The following PSMD8 variants were observed in gnomAD, a reference collection of about 807,000 sequenced individuals.
PSMD8 encodes proteasome 26S subunit, non-ATPase 8.
In PSMD8, 30 loss-of-function variants were observed where a neutral mutation model predicts 40.0. The ratio of observed to expected loss-of-function variants is 0.75; its 90% confidence interval spans 0.56 to 1.02. The LOEUF is 1.02. Among genes scored for constraint, PSMD8 ranks in the 50% least tolerant of loss-of-function variants. PSMD8 has a pLI of 0.00. For synonymous variants in PSMD8, 208 were observed against 192.5 expected (o/e 1.08, Z -0.67); for missense variants, 461 against 463.9 (o/e 0.99, Z 0.06).
At position 38,376,148 on chromosome 19, in the gene PSMD8, C is replaced by A; in HGVS notation, c.361-12C>A. 6.3e-7 allele frequency: 1 copy of A among 1,592,744 alleles called. No individual in the cohort carries two copies. The highest frequency in any genetic ancestry group is 1.1e-5 in the South Asian group (1 of 88,952). Reference sequence around the variant, plus strand: ...CTTCTTTTCTTTCTTCCCTCCCTCCCCTCCCCATCAGCTAGTTCTTCTGGA... The same window carrying A: ...CTTCTTTTCTTTCTTCCCTCCCTCCACTCCCCATCAGCTAGTTCTTCTGGA... On this transcript the variant is annotated splice_polypyrimidine_tract_variant and intron_variant, in intron 1 of 6. Transcript: ENST00000215071.
At chr19:38,377,489 G>A (rs755556870) in intron 3 of PSMD8, among the ~76,000 whole-genome samples, 1 of 150,928 alleles carries the variant, frequency 6.6e-6, no homozygotes, top group Non-Finnish European at 1.5e-5. Context: ...CATTGCATCT[G>A]ACTCCAATAA....
rs377149465 is a variant in PSMD8 at position 38,383,438 on chromosome 19, T to A, written c.*48T>A. The A allele has an allele frequency of 2.9e-5, 46 of 1,610,446 alleles. 1 individual carries two copies. In the South Asian group the frequency reaches 5.0e-4, roughly 17 times the overall value. ...CAGGGCACGAGTTATTTAAAACAGT[T>A]ACACTGCAGGGTTTCGCCCAATAAA... On this transcript the variant is annotated 3_prime_UTR_variant, in exon 7 of 7. Coordinates refer to ENST00000215071, the MANE Select transcript of PSMD8 (RefSeq NM_002812.5).
At position 38,382,118 on chromosome 19, in the gene PSMD8, G is replaced by A; in HGVS notation, c.805G>A (p.Asp269Asn). The A allele has an allele frequency of 1.3e-6, 2 of 1,564,354 alleles. No individual in the cohort carries two copies. Among genetic ancestry groups the A allele is most frequent in the Non-Finnish European group, 1.7e-6 (2 of 1,154,696 alleles). ...FIDILLDTIR[D>N]EIAGCIEKAY... ...GAGGAGCTTCTCATCTTCCCCCAGG[G>A]ATGAGATCGCTGGGTGCATCGAGAA... The change falls in exon 6 of 7, where the codon GAT becomes AAT. Residue 269 changes from aspartate to asparagine, a missense_variant and splice_region_variant. Asp to Asn is a conservative substitution (Grantham distance 23). Coordinates refer to ENST00000215071, the MANE Select transcript of PSMD8 (RefSeq NM_002812.5).
Position 38,374,821 on chromosome 19 carries a change from G to A in PSMD8, c.220G>A (p.Gly74Ser). ...GGCCGCGGCGGTGAACGGGGCGGCA[G>A]GCTTCTCGAGCTCCGGGCCCGCGGC... ...MAAAAVNGAA[G>S]FSSSGPAATS... The change falls in exon 1 of 7, where the codon GGC becomes AGC. Residue 74 changes from glycine (G) to serine (S), a missense_variant. Gly to Ser is a moderately conservative substitution (Grantham distance 56, BLOSUM62 0). This residue lies in a region of PSMD8 where 225 missense variants were observed against 142.7 expected (regional missense o/e 1.58). Coordinates refer to ENST00000215071, the MANE Select transcript of PSMD8 (RefSeq NM_002812.5). 1.3e-6 allele frequency: 2 copies of A among 1,574,462 alleles called. No homozygotes were observed. The highest frequency in any genetic ancestry group is 1.3e-5 in the African/African-American group (1 of 74,464).
At chr19:38,378,682 A>C (rs1362489943) in intron 3 of PSMD8, among the ~76,000 whole-genome samples, 2 of 148,784 alleles carry the variant, frequency 1.3e-5, no homozygotes, top group Non-Finnish European at 3.0e-5. Context: ...GGCTGGGCGC[A>C]GTGGCTCATA....
chr19:38,374,746 C>A lies in PSMD8; in HGVS notation c.145C>A (p.Arg49=), dbSNP rs767639175. Residue 49 remains arginine, a synonymous_variant, in exon 1 of 7, where the codon CGG becomes AGG. Transcript: ENST00000215071. ...PHFRRASVCR[R]RCRKSGGLLA... is the part of the protein sequence containing the mutation. Reference sequence around the variant, plus strand: ...CTTCCGCCGGGCAAGCGTTTGTAGGCGGCGCTGCCGTAAATCAGGCGGTCT... The same window carrying A: ...CTTCCGCCGGGCAAGCGTTTGTAGGAGGCGCTGCCGTAAATCAGGCGGTCT... 8.3e-5 allele frequency: 129 copies of A among 1,554,842 alleles called. No individual in the cohort carries two copies. Among genetic ancestry groups the A allele is most frequent in the Admixed American group, 3.2e-4 (17 of 52,608 alleles).
chr19:38,377,485 A>C (rs895603339), intron 3 of PSMD8, among the ~76,000 whole-genome samples: 1 of 148,238 alleles, frequency 6.7e-6, no homozygotes, highest in African/African-American at 2.5e-5. Context: ...GAGTCATTGC[A>C]TCTGACTCCA....
At chr19:38,381,890 C>CCAGGAGTCAGAGATTT (rs1970643419) in intron 5 of PSMD8, among the ~76,000 whole-genome samples, 1 of 151,980 alleles carries the variant, frequency 6.6e-6, no homozygotes, top group African/African-American at 2.4e-5. Context: ...GAGTGTGGGC[C>CCAGGAGTCAGAGATTT]CAGGAGTCAG....
rs1056236848 is a variant in PSMD8 at position 38,374,823 on chromosome 19, C to G, written c.222C>G (p.Gly74=). The change falls in exon 1 of 7, where the codon GGC becomes GGG. Residue 74 remains glycine, a synonymous_variant. Transcript: ENST00000215071. ...CCGCGGCGGTGAACGGGGCGGCAGG[C>G]TTCTCGAGCTCCGGGCCCGCGGCAA... ...MAAAAVNGAA[G]FSSSGPAATS... The G allele has an allele frequency of 5.1e-6, 8 of 1,574,504 alleles. No individual in the cohort carries two copies. The South Asian group carries it at 9.1e-5, about 18-fold the overall frequency.
intron 3 of PSMD8, among the ~76,000 whole-genome samples, chr19:38,378,368 TGTG>T (rs1243286484): frequency 6.6e-6 from 1 of 151,014 alleles, no homozygotes; most frequent in Non-Finnish European, 1.5e-5. Context: ...ATTAGCCAGG[TGTG>T]GTGGTGGGCG....
At chr19:38,375,008 C>T (rs567093830) in intron 1 of PSMD8, 47 bp downstream of exon 1, 7 of 1,534,356 alleles carry the variant, frequency 4.6e-6, no homozygotes, top group African/African-American at 2.7e-5. Flanking sequence ...GCGTGGGAGG[C>T]GCTACGAGGT....
rs943129698 is a variant in PSMD8, at chr19:38,383,687, A to G, written c.*297A>G. On this transcript the variant is annotated 3_prime_UTR_variant, in exon 7 of 7. Transcript: ENST00000215071. The stretch of plus-strand genomic sequence containing the variant: ...GTGGCCTGCAGGAGGGCATGGCCCC[A>G]GGTAGGGGGACTGTTCTAGCCAGCT... 1.1e-5 allele frequency: 5 copies of G among 436,212 alleles called. No individual in the cohort carries two copies. Among genetic ancestry groups the G allele is most frequent in the Non-Finnish European group, 1.7e-5 (4 of 236,064 alleles). 27.0% of individuals were successfully genotyped at this position (436,212 alleles called of 1,614,324 possible).
intron 4 of PSMD8, among the ~76,000 whole-genome samples, 176 bp from the exon 5 acceptor site, chr19:38,380,723 T>TGTGTGTGTGCGCACGCGTGCGCGC (rs575195574): frequency 6.9e-6 from 1 of 143,896 alleles, no homozygotes; most frequent in East Asian, 2.2e-4. Flanking sequence ...TGTGTGTGTG[T>TGTGTGTGTGCGCACGCGTGCGCGC]GTGTGTGCGC....
At chr19:38,376,993 G>T (rs1025988773) in intron 3 of PSMD8, among the ~76,000 whole-genome samples, 4 of 152,178 alleles carry the variant, frequency 2.6e-5, no homozygotes, top group Admixed American at 1.3e-4. Context: ...CCTACCACAG[G>T]GCCAGGCCCA....
chr19:38,377,844 T>G (rs920538984), intron 3 of PSMD8, among the ~76,000 whole-genome samples: 1 of 152,190 alleles, frequency 6.6e-6, no homozygotes, highest in African/African-American at 2.4e-5. Context: ...TTTGCCAGGT[T>G]GGCCAGGCTG....
chr19:38,383,480 C>T lies in PSMD8; in HGVS notation c.*90C>T. The T allele has an allele frequency of 6.6e-7, 1 of 1,520,840 alleles. No individual in the cohort carries two copies. The highest frequency in any genetic ancestry group is 9.0e-7 in the Non-Finnish European group (1 of 1,108,698). The allele number at this position is 1,520,840 out of a possible 1,614,324, so 94.2% of individuals were successfully genotyped here. A position where few individuals can be genotyped will look rare whatever the true frequency, so the allele number is the denominator to read the frequency against. ...CCCAATAAAGGTGGACTGACATTCC[C>T]TCTTCCAGGCCCTTGTCTCCCCAGT... is the stretch of plus-strand genomic sequence containing the variant. On this transcript the variant is annotated 3_prime_UTR_variant, in exon 7 of 7. Transcript: ENST00000215071.
chr19:38,380,950 C>T lies in PSMD8; in HGVS notation c.754C>T (p.Pro252Ser). The T allele has an allele frequency of 6.7e-7, 1 of 1,492,364 alleles. No individual in the cohort carries two copies. 92.4% of individuals were successfully genotyped at this position (1,492,364 alleles called of 1,614,324 possible). A position where few individuals can be genotyped will look rare whatever the true frequency, so the allele number is the denominator to read the frequency against. Residue 252 changes from proline (P) to serine (S), a missense_variant, in exon 5 of 7, where the codon CCC becomes TCC. Transcript: ENST00000215071. ...NKVFLAKGNIPAESYTFFIDI... is the reference protein window; with the variant it reads ...NKVFLAKGNISAESYTFFIDI... Reference sequence around the variant, plus strand: ...AGTGTTCCTGGCCAAGGGTAACATCCCCGCCGAGAGCTACACCTTCTTCAT... The same window carrying T: ...AGTGTTCCTGGCCAAGGGTAACATCTCCGCCGAGAGCTACACCTTCTTCAT...
chr19:38,383,419 A>T lies in PSMD8; in HGVS notation c.*29A>T, dbSNP rs899390246. On this transcript the variant is annotated 3_prime_UTR_variant, in exon 7 of 7. Transcript: ENST00000215071. ...CCCCGGGCACTGGGTGGGGCAGGGC[A>T]CGAGTTATTTAAAACAGTTACACTG... 6.2e-7 allele frequency: 1 copy of T among 1,613,654 alleles called. No homozygotes were observed. Among genetic ancestry groups the T allele is most frequent in the Non-Finnish European group, 8.5e-7 (1 of 1,179,662 alleles).
rs561730518 is a variant in PSMD8 at position 38,374,820 on chromosome 19, A to G, written c.219A>G (p.Ala73=). Residue 73 remains alanine, a synonymous_variant, in exon 1 of 7, where the codon GCA becomes GCG. Transcript: ENST00000215071. ...KMAAAAVNGA[A]GFSSSGPAAT... ...CGGCCGCGGCGGTGAACGGGGCGGC[A>G]GGCTTCTCGAGCTCCGGGCCCGCGG... The G allele has an allele frequency of 3.7e-5, 59 of 1,573,928 alleles. 3 individuals carry two copies. The South Asian group carries it at 6.3e-4, about 17-fold the overall frequency.
Sources: allele counts gnomAD v4.1 joint callset (sites outside exome capture counted in the v4.1 genomes callset), GRCh38; gene constraint gnomAD v4.1.1; regional missense constraint gnomAD v4.1.1; transcripts MANE v1.5; gene names NCBI Gene and HGNC (gene_info 2026-07-23, HGNC 2026-07-21).